The following CDKN2AIPNL variants were observed in gnomAD, a reference collection of about 807,000 sequenced individuals.
CDKN2AIPNL encodes XRN2 binding domain containing 1, also known as CDKN2AIP N-terminal-like protein.
Under a neutral mutation model 12.9 loss-of-function variants are expected in CDKN2AIPNL, and 9 were observed. The ratio of observed to expected loss-of-function variants is 0.70; its 90% CI spans 0.42 to 1.22. The LOEUF is 1.22. CDKN2AIPNL is among the 50% of genes most tolerant of loss of function. The probability of loss-of-function intolerance (pLI) is 0.00; values close to 1 mark genes in which losing one functional copy is unlikely to be tolerated. For missense variants in CDKN2AIPNL, 143 were observed against 153.6 expected, an observed-to-expected ratio of 0.93 and a Z score of 0.37; for synonymous variants, 53 against 61.7, an observed-to-expected ratio of 0.86 and a Z score of 0.66.
rs1158873499 is a variant in CDKN2AIPNL, at chr5:134,402,602, G to C, written c.*313C>G. ...CCTTTGTGCTTCTGCCTGGGCGACAGAGTGAGACCTTGTCGATAAGAAAAA... is the reference window on the plus strand; with the variant it reads ...CCTTTGTGCTTCTGCCTGGGCGACACAGTGAGACCTTGTCGATAAGAAAAA... On this transcript the variant is annotated 3_prime_UTR_variant, in exon 3 of 3. Transcript: ENST00000458198. 1 of 248,746 alleles carries C rather than the reference G, an allele frequency of 4.0e-6. No homozygotes were observed. Among genetic ancestry groups the C allele is most frequent in the Non-Finnish European group, 7.6e-6 (1 of 131,110 alleles). 15.4% of individuals were successfully genotyped at this position (248,746 alleles called of 1,614,324 possible). A position where few individuals can be genotyped will look rare whatever the true frequency, so the allele number is the denominator to read the frequency against.
At chr5:134,403,590 C>G (rs891295193) in intron 2 of CDKN2AIPNL, among the ~76,000 whole-genome samples, 4 of 152,230 alleles carry the variant, frequency 2.6e-5, no homozygotes, top group Non-Finnish European at 5.9e-5. Flanking sequence ...TCAGAGATTT[C>G]AAGGTATGAC....
At chr5:134,404,841 A>G (rs1416560593) in intron 2 of CDKN2AIPNL, among the ~76,000 whole-genome samples, 1 of 152,160 alleles carries the variant, frequency 6.6e-6, no homozygotes, top group Non-Finnish European at 1.5e-5. Context: ...GCTAGAGTAC[A>G]GCGGTGCCAT....
chr5:134,408,663 C>T (rs576704972), intron 2 of CDKN2AIPNL, among the ~76,000 whole-genome samples: 27 of 151,892 alleles, frequency 1.8e-4, no homozygotes, highest in Middle Eastern at 3.4e-3. Flanking sequence ...CCAGCCTGGG[C>T]GACACAGGGA....
At chr5:134,405,426 T>C (rs1581333917) in intron 2 of CDKN2AIPNL, among the ~76,000 whole-genome samples, 1 of 145,856 alleles carries the variant, frequency 6.9e-6, no homozygotes, top group South Asian at 2.2e-4. Flanking sequence ...TTTTTAATTA[T>C]TATTTTTTGA....
At chr5:134,408,787 T>C (rs755121227) in intron 2 of CDKN2AIPNL, among the ~76,000 whole-genome samples, 1 of 152,188 alleles carries the variant, frequency 6.6e-6, no homozygotes, top group Non-Finnish European at 1.5e-5. Flanking sequence ...TTTTAAAACA[T>C]AATAGCATCT....
At chr5:134,407,711 T>C (rs1452865464) in intron 2 of CDKN2AIPNL, among the ~76,000 whole-genome samples, 1 of 149,628 alleles carries the variant, frequency 6.7e-6, no homozygotes, top group African/African-American at 2.5e-5. Context: ...GAGGCAGAGG[T>C]TGCAGTGAGC....
At position 134,411,597 on chromosome 5, in the gene CDKN2AIPNL, G is replaced by T. The variant is rs760984371; in HGVS notation, c.239+19C>A. The T allele has an allele frequency of 5.6e-6, 9 of 1,601,702 alleles. No individual in the cohort carries two copies. In the East Asian group the frequency reaches 2.0e-4, roughly 36 times the overall value. The stretch of plus-strand genomic sequence containing the variant: ...CGGAAGATAGGGGACAGGATCAGCC[G>T]GCCGGCAGGGGTCCGCACCTGCAGC... On this transcript the variant is annotated intron_variant, in intron 1 of 2. Coordinates refer to ENST00000458198, the MANE Select transcript of CDKN2AIPNL (RefSeq NM_080656.3).
intron 2 of CDKN2AIPNL, among the ~76,000 whole-genome samples, chr5:134,406,808 T>C (rs1259669711): frequency 3.9e-5 from 6 of 152,222 alleles, no homozygotes; most frequent in African/African-American, 9.6e-5. Flanking sequence ...AGGTCAAGGC[T>C]GCGGGTAGCC....
intron 1 of CDKN2AIPNL, 40 bp from the exon 2 acceptor site, chr5:134,410,042 A>G: frequency 2.2e-6 from 3 of 1,384,482 alleles, no homozygotes; most frequent in South Asian, 1.2e-5. Context: ...CCTTGGAACA[A>G]TTGTCACTGT....
intron 1 of CDKN2AIPNL, 94 bp from the exon 2 acceptor site, chr5:134,410,096 C>A: frequency 1.2e-6 from 1 of 815,834 alleles, no homozygotes; most frequent in South Asian, 1.6e-5. Flanking sequence ...AAAATCAGCT[C>A]TCAGAGAACT....
Position 134,411,658 on chromosome 5 carries a change from G to A in CDKN2AIPNL, c.197C>T (p.Ser66Phe), listed in dbSNP as rs534910527. ...DGSGRLDQLL[S>F]LSMVWANHLF... ...ATGGTTGGCCCAGACCATGGAGAGG[G>A]AGAGCAGCTGGTCCAGGCGGCCACT... The change falls in exon 1 of 3, where the codon TCC (serine) becomes TTC (phenylalanine). Residue 66 changes from serine to phenylalanine, a missense_variant. Coordinates refer to ENST00000458198, the MANE Select transcript of CDKN2AIPNL (RefSeq NM_080656.3). 6.2e-7 allele frequency: 1 copy of A among 1,613,126 alleles called. No homozygotes were observed. The highest frequency in any genetic ancestry group is 1.1e-5 in the South Asian group (1 of 90,870).
chr5:134,406,586 C>T (rs2149697179), intron 2 of CDKN2AIPNL, among the ~76,000 whole-genome samples: 1 of 152,312 alleles, frequency 6.6e-6, no homozygotes, highest in East Asian at 1.9e-4. Context: ...GACTCGTTCT[C>T]AGAATGGGCT....
At chr5:134,408,940 G>T (rs1462788458) in intron 2 of CDKN2AIPNL, among the ~76,000 whole-genome samples, 2 of 152,112 alleles carry the variant, frequency 1.3e-5, no homozygotes, top group Non-Finnish European at 2.9e-5. Flanking sequence ...AATCTGATTA[G>T]TTCCTTGACA....
chr5:134,410,076 G>A (rs1759168784), intron 1 of CDKN2AIPNL, 74 bp from the exon 2 acceptor site: 1 of 1,031,220 alleles, frequency 9.7e-7, no homozygotes, highest in Middle Eastern at 2.1e-4. Context: ...ACTGCAGGTT[G>A]CTCAACTATA....
chr5:134,403,480 CAG>C (rs537601087), intron 2 of CDKN2AIPNL, among the ~76,000 whole-genome samples: 85 of 152,278 alleles, frequency 5.6e-4, no homozygotes, highest in Non-Finnish European at 1.1e-3. Context: ...AACTTTTAAA[CAG>C]GGTGTGAAAA....
chr5:134,406,963 G>T (rs1322614950), intron 2 of CDKN2AIPNL, among the ~76,000 whole-genome samples: 1 of 152,150 alleles, frequency 6.6e-6, no homozygotes, highest in Admixed American at 6.5e-5. Context: ...ACAGACTAAA[G>T]TTAAACCTGG....
At position 134,411,627 on chromosome 5, in the gene CDKN2AIPNL, G is replaced by T. The variant is rs1416199619; in HGVS notation, c.228C>A (p.Phe76Leu). 6.2e-7 allele frequency: 1 copy of T among 1,612,540 alleles called. No homozygotes were observed. The highest frequency in any genetic ancestry group is 1.1e-5 in the South Asian group (1 of 90,808). The change falls in exon 1 of 3, where the codon TTC becomes TTA. Residue 76 changes from phenylalanine (F) to leucine (L), a missense_variant. Physicochemically the swap from Phe to Leu is conservative, Grantham distance 22 (BLOSUM62 0). Transcript: ENST00000458198. The stretch of plus-strand genomic sequence containing the variant: ...GCAGGGGTCCGCACCTGCAGCCTAG[G>T]AAGAGATGGTTGGCCCAGACCATGG... ...SLSMVWANHL[F>L]LGCSYNKDLL...
In CDKN2AIPNL at chr5:134,411,650, T is replaced by C. The variant is rs930760419; in HGVS notation, c.205A>G (p.Met69Val). ...GRLDQLLSLS[M>V]VWANHLFLGC... Reference sequence around the variant, plus strand: ...AGGAAGAGATGGTTGGCCCAGACCATGGAGAGGGAGAGCAGCTGGTCCAGG... The same window carrying C: ...AGGAAGAGATGGTTGGCCCAGACCACGGAGAGGGAGAGCAGCTGGTCCAGG... The change falls in exon 1 of 3, where the codon ATG becomes GTG. Residue 69 changes from methionine to valine, a missense_variant. Physicochemically the swap from Met to Val is conservative, Grantham distance 21. Transcript: ENST00000458198. 1.9e-6 allele frequency: 3 copies of C among 1,612,904 alleles called. No homozygotes were observed. Among genetic ancestry groups the C allele is most frequent in the Non-Finnish European group, 2.5e-6 (3 of 1,179,734 alleles).
chr5:134,408,513 C>CAAAAAAAAAAAAAAAAAAAAAAA (rs59056879), intron 2 of CDKN2AIPNL, among the ~76,000 whole-genome samples: 1 of 112,696 alleles, frequency 8.9e-6, no homozygotes, highest in African/African-American at 3.4e-5. Flanking sequence ...ACTAAAAATA[C>CAAAAAAAAAAAAAAAAAAAAAAA]AAAAAAAAAA....
Sources: gnomAD v4.1 joint callset for allele counts (sites outside exome capture counted in the v4.1 genomes callset) on GRCh38, gnomAD v4.1.1 for gene constraint, MANE v1.5 for transcripts, NCBI Gene and HGNC (gene_info 2026-07-23, HGNC 2026-07-21) for gene names.